MOSMO: variants seen among roughly 807,000 people sequenced by gnomAD.
MOSMO encodes modulator of smoothened, also known as modulator of smoothened protein.
A neutral mutation model predicts 18.4 loss-of-function variants in MOSMO; 5 were observed. The ratio of observed to expected loss-of-function variants is 0.27; its 90% confidence interval spans 0.14 to 0.57. MOSMO has a LOEUF of 0.57. Ranked by LOEUF, MOSMO falls within the 20% of genes least tolerant of loss-of-function variation. The probability of loss-of-function intolerance (pLI) is 0.92; values close to 1 mark genes in which losing one functional copy is unlikely to be tolerated. For missense variants in MOSMO, 138 were observed against 211.8 expected (o/e 0.65, Z 2.16); for synonymous variants, 82 against 82.3 (o/e 1.00, Z 0.02).
Position 22,039,601 on chromosome 16 carries a change from G to A in MOSMO, c.106+31194G>A, listed in dbSNP as rs139358590. Among the ~76,000 whole-genome samples the A allele has an allele frequency of 5.8e-3, 881 of 152,352 alleles. 5 individuals are homozygous for A. The highest frequency in any genetic ancestry group is 0.017 in the Middle Eastern group (5 of 294). ...TGTCCTAGCACTTTGGGGGGCCAAG[G>A]TGGGAGGATTGCTTGAGGCCAGGAG... On this transcript the variant is annotated intron_variant, in intron 1 of 2. Coordinates refer to ENST00000542527, the MANE Select transcript of MOSMO (RefSeq NM_001164579.2).
chr16:22,008,443 G>C lies in MOSMO; in HGVS notation c.106+36G>C, dbSNP rs1029914678. The C allele has an allele frequency of 4.7e-5, 58 of 1,232,716 alleles. No homozygotes were observed. The Admixed American group carries it at 1.3e-3, about 28-fold the overall frequency. The allele number at this position is 1,232,716 out of a possible 1,614,324, so 76.4% of individuals were successfully genotyped here. Reference sequence around the variant, plus strand: ...GGCGCGCCGGGCCGGGCGGGGGATTGGCTGAGGGCGACGCGAGAGAGGGGA... The same window carrying C: ...GGCGCGCCGGGCCGGGCGGGGGATTCGCTGAGGGCGACGCGAGAGAGGGGA... On this transcript the variant is annotated intron_variant, in intron 1 of 2. Coordinates refer to ENST00000542527, the MANE Select transcript of MOSMO (RefSeq NM_001164579.2).
intron 1 of MOSMO, among the ~76,000 whole-genome samples, chr16:22,038,186 T>C (rs1212448750): frequency 2.6e-5 from 4 of 152,230 alleles, no homozygotes; most frequent in Admixed American, 2.6e-4. Context: ...TTTCACAGTA[T>C]AACAAGATGA....
chr16:22,014,166 TGGA>T (rs1177892183), intron 1 of MOSMO, among the ~76,000 whole-genome samples: 16 of 152,084 alleles, frequency 1.1e-4, no homozygotes, highest in African/African-American at 3.9e-4. Flanking sequence ...GACAAAATGT[TGGA>T]TCACATATGC....
At position 22,033,651 on chromosome 16, in the gene MOSMO, T is replaced by TA. The variant is rs954924996; in HGVS notation, c.106+25254dup. Reference sequence around the variant, plus strand: ...ACTAACCTTGAAACCCCGTCTCTACTAAAAAAAAAATACAAAAAATCACCC... The same window carrying TA: ...ACTAACCTTGAAACCCCGTCTCTACTAAAAAAAAAAATACAAAAAATCACCC... On this transcript the variant is annotated intron_variant, in intron 1 of 2. Coordinates refer to ENST00000542527, the MANE Select transcript of MOSMO (RefSeq NM_001164579.2). Among the ~76,000 whole-genome samples the TA allele has an allele frequency of 1.7e-3, 246 of 146,038 alleles. 1 individual carries two copies. The highest frequency in any genetic ancestry group is 5.7e-3 in the African/African-American group (226 of 39,754).
rs768585177 is a variant in MOSMO, at chr16:22,075,558, C to A, written c.178C>A (p.Arg60=). The change falls in exon 2 of 3, where the codon CGG becomes AGG. Residue 60 remains arginine (R), a synonymous_variant. Coordinates refer to ENST00000542527, the MANE Select transcript of MOSMO (RefSeq NM_001164579.2). Reference sequence around the variant, plus strand: ...ACGAGACCGGACGTGCATCCCTCCCCGGCTTCCCCCGGAGTGGGTCACCAC... The same window carrying A: ...ACGAGACCGGACGTGCATCCCTCCCAGGCTTCCCCCGGAGTGGGTCACCAC... The part of the protein sequence containing the change: ...HGRDRTCIPP[R]LPPEWVTTLF... The A allele has an allele frequency of 1.3e-6, 2 of 1,537,196 alleles. No homozygotes were observed. The highest frequency in any genetic ancestry group is 2.7e-5 in the African/African-American group (2 of 73,054).
intron 2 of MOSMO, chr16:22,076,379 C>T (rs1900968053): frequency 6.6e-6 from 1 of 152,262 alleles, no homozygotes; most frequent in Non-Finnish European, 1.5e-5. Flanking sequence ...CAATTTTGCA[C>T]CCCAGGGGTT....
At chr16:22,080,408 G>A (rs1901055917) in intron 2 of MOSMO, among the ~76,000 whole-genome samples, 2 of 152,180 alleles carry the variant, frequency 1.3e-5, no homozygotes, top group South Asian at 4.1e-4. Context: ...ATTGTAAATG[G>A]CTAGGAATCG....
chr16:22,065,326 A>G (rs562270161), intron 1 of MOSMO, among the ~76,000 whole-genome samples: 2 of 152,324 alleles, frequency 1.3e-5, no homozygotes, highest in Admixed American at 6.5e-5. Flanking sequence ...TACTTGTTAT[A>G]TAACAAACAT....
chr16:22,059,330 A>G (rs1900598951), intron 1 of MOSMO, among the ~76,000 whole-genome samples: 1 of 152,142 alleles, frequency 6.6e-6, no homozygotes, highest in Non-Finnish European at 1.5e-5. Context: ...TCTCCTTGGC[A>G]GCCTTTTTTC....
intron 1 of MOSMO, among the ~76,000 whole-genome samples, chr16:22,010,174 C>A (rs2141975088): frequency 6.6e-6 from 1 of 152,258 alleles, no homozygotes; most frequent in Middle Eastern, 3.4e-3. Context: ...CAAAATCATG[C>A]TGTCATATTC....
downstream of MOSMO, chr16:22,087,011 A>T (rs916553581): frequency 2.0e-5 from 3 of 152,188 alleles, no homozygotes; most frequent in Admixed American, 6.5e-5. Flanking sequence ...TACTTTATTA[A>T]TAAGTATTTG....
chr16:22,090,105 G>C (rs1452253719), downstream of MOSMO: 1 of 152,158 alleles, frequency 6.6e-6, no homozygotes, highest in Non-Finnish European at 1.5e-5. Flanking sequence ...CAGAGTCATG[G>C]TGACAGATTC....
intron 1 of MOSMO, among the ~76,000 whole-genome samples, chr16:22,010,602 T>C (rs918210646): frequency 1.3e-5 from 2 of 152,104 alleles, no homozygotes; most frequent in Non-Finnish European, 2.9e-5. Context: ...GAAAGATAAG[T>C]GATAGCATAA....
intron 1 of MOSMO, among the ~76,000 whole-genome samples, chr16:22,071,250 T>C (rs1340190660): frequency 6.6e-6 from 1 of 152,132 alleles, no homozygotes; most frequent in African/African-American, 2.4e-5. Flanking sequence ...GAGGAGAGCA[T>C]TGTCCGGAGG....
intron 1 of MOSMO, among the ~76,000 whole-genome samples, chr16:22,033,872 G>A (rs1433997670): frequency 6.6e-6 from 1 of 152,038 alleles, no homozygotes; most frequent in African/African-American, 2.4e-5. Flanking sequence ...TTAGCCTATA[G>A]TTGGGCAAAA....
At chr16:22,091,688 C>G (rs1459551441), downstream of MOSMO, among the ~76,000 whole-genome samples, 2 of 152,240 alleles carry the variant, frequency 1.3e-5, no homozygotes, top group South Asian at 4.1e-4. Context: ...ACCACCCAAC[C>G]TCATGTTCTA....
intron 1 of MOSMO, among the ~76,000 whole-genome samples, chr16:22,045,038 A>G (rs1900280093): frequency 6.6e-6 from 1 of 151,712 alleles, no homozygotes; most frequent in South Asian, 2.1e-4. Context: ...AAAAAAAATT[A>G]GCCAGGTATG....
chr16:22,053,074 A>C (rs1962636), intron 1 of MOSMO, among the ~76,000 whole-genome samples: 82,349 of 149,838 alleles, frequency 0.55, 26,370 homozygotes, highest in African/African-American at 0.87. Flanking sequence ...CTTGCCTCAG[A>C]CTCCCAAGTA....
intron 1 of MOSMO, among the ~76,000 whole-genome samples, chr16:22,018,258 A>G (rs1457315878): frequency 2.0e-5 from 3 of 152,228 alleles, no homozygotes; most frequent in Non-Finnish European, 4.4e-5. Flanking sequence ...TGGGTGGGTC[A>G]AGTAAGAAAA....
Sources: gnomAD v4.1 joint callset for allele counts (sites outside exome capture counted in the v4.1 genomes callset) on GRCh38, gnomAD v4.1.1 for gene constraint, MANE v1.5 for transcripts, NCBI Gene and HGNC (gene_info 2026-07-23, HGNC 2026-07-21) for gene names.